Variants in STX1A observed in about 807,000 individuals in gnomAD.
STX1A encodes the protein syntaxin-1A.
STX1A carries 4 observed loss-of-function variants against 37.8 expected under a neutral mutation model. The observed-to-expected ratio is 0.11, with a 90% confidence interval of 0.05 to 0.24. The LOEUF (loss-of-function observed/expected upper bound fraction) is 0.24. Ranked by LOEUF, STX1A falls within the 10% of genes least tolerant of loss-of-function variation. The probability of loss-of-function intolerance (pLI) is 1.00; values close to 1 mark genes in which losing one functional copy is unlikely to be tolerated. For synonymous variants in STX1A, 135 were observed against 147.4 expected (o/e 0.92, Z 0.61); for missense variants, 251 against 399.9 (o/e 0.63, Z 3.18).
chr7:73,704,383 G>C lies in STX1A; in HGVS notation c.324C>G (p.Arg108=), dbSNP rs782560813. 9 of 1,614,058 alleles carry C rather than the reference G, an allele frequency of 5.6e-6. No individual in the cohort carries two copies. The African/African-American group carries it at 1.2e-4, about 22-fold the overall frequency. The change falls in exon 5 of 10, where the codon CGC becomes CGG. Residue 108 remains arginine (R), a synonymous_variant. Transcript: ENST00000222812. ...QSIEQEEGLN[R]SSADLRIRKT... ...TCCGGATCCTCAGGTCAGCGGAGGA[G>C]CGGTTCAGGCCTTCCTCTTGCTCGA...
chr7:73,707,179 T>C (rs1487713144), intron 3 of STX1A, among the ~76,000 whole-genome samples: 1 of 152,180 alleles, frequency 6.6e-6, no homozygotes, highest in African/African-American at 2.4e-5. Flanking sequence ...CTGGGGCTCA[T>C]GGTGAGCCCC....
chr7:73,703,099 C>T, intron 7 of STX1A, 117 bp from the exon 8 acceptor site: 1 of 879,110 alleles, frequency 1.1e-6, no homozygotes, highest in Non-Finnish European at 1.7e-6. Flanking sequence ...CTGAGGCTTC[C>T]TCCCAAGCCG....
intron 1 of STX1A, among the ~76,000 whole-genome samples, chr7:73,715,123 T>TAA (rs782623557): frequency 2.0e-4 from 25 of 124,784 alleles, no homozygotes; most frequent in South Asian, 5.1e-4. Flanking sequence ...AGACTCCGTC[T>TAA]AAAAAAAAAA....
chr7:73,713,450 C>T (rs531172194), intron 1 of STX1A, among the ~76,000 whole-genome samples: 2 of 152,286 alleles, frequency 1.3e-5, no homozygotes, highest in Non-Finnish European at 2.9e-5. Context: ...ATAAAGTGGC[C>T]AAGCATGATG....
At position 73,702,588 on chromosome 7, in the gene STX1A, G is replaced by T; in HGVS notation, c.678+257C>A. The stretch of plus-strand genomic sequence containing the variant: ...TGGCCCCATGAGGAAACAGTAGTAG[G>T]GGAATGAGAGACGGCGGGGTATAGA... On this transcript the variant is annotated intron_variant, in intron 8 of 9. Coordinates refer to ENST00000222812, the MANE Select transcript of STX1A (RefSeq NM_004603.4). This position sits in a 1 kb window ranked among gnomAD's most constrained non-coding sequence, Gnocchi z 4.7. 9.0e-7 allele frequency: 1 copy of T among 1,113,142 alleles called. No individual in the cohort carries two copies. Among genetic ancestry groups the T allele is most frequent in the Non-Finnish European group, 1.2e-6 (1 of 810,386 alleles). The allele number at this position is 1,113,142 out of a possible 1,614,324, so 69.0% of individuals were successfully genotyped here.
intron 1 of STX1A, among the ~76,000 whole-genome samples, chr7:73,713,655 T>C (rs1799183144): frequency 6.6e-6 from 1 of 152,170 alleles, no homozygotes; most frequent in African/African-American, 2.4e-5. Flanking sequence ...GCTTGAGCCC[T>C]GGAGGTCGAG....
At chr7:73,718,417 A>G (rs559392625) in intron 1 of STX1A, among the ~76,000 whole-genome samples, 1 of 152,220 alleles carries the variant, frequency 6.6e-6, no homozygotes, top group South Asian at 2.1e-4. Flanking sequence ...CTCTGGGTGG[A>G]GAAGACAAGC....
rs1347585605 is a variant in STX1A, at chr7:73,699,230, C to G, written c.*1177G>C. 6.6e-6 allele frequency: 1 copy of G among 152,582 alleles called. No homozygotes were observed. The highest frequency in any genetic ancestry group is 1.5e-5 in the Non-Finnish European group (1 of 68,040). 9.5% of individuals were successfully genotyped at this position (152,582 alleles called of 1,614,324 possible). ...CCTGGTACAGATACAAATGTTTATT[C>G]TACATAAAAATTTCACAAAATGGGC... On this transcript the variant is annotated 3_prime_UTR_variant, in exon 10 of 10. Transcript: ENST00000222812.
intron 6 of STX1A, 92 bp from the exon 7 acceptor site, chr7:73,703,920 T>TC (rs1189898994): frequency 2.9e-5 from 34 of 1,184,710 alleles, no homozygotes; most frequent in Admixed American, 3.1e-5. Flanking sequence ...AGGCCCGGGC[T>TC]CCCCCCAGCC....
At position 73,700,935 on chromosome 7, in the gene STX1A, G is replaced by T. The variant is rs1180416539; in HGVS notation, c.679-95C>A. On this transcript the variant is annotated intron_variant, in intron 8 of 9. Coordinates refer to ENST00000222812, the MANE Select transcript of STX1A (RefSeq NM_004603.4). The surrounding 1 kb of genome is among the most constrained non-coding windows in gnomAD (Gnocchi z 4.4). ...ACTTCAGGAAAGCACCCTGAGGCTA[G>T]AGACAAAAAGGGGGCGTGAGGAGGT... 2 of 1,568,092 alleles carry T rather than the reference G, an allele frequency of 1.3e-6. No homozygotes were observed. The highest frequency in any genetic ancestry group is 1.3e-5 in the African/African-American group (1 of 74,140).
intron 1 of STX1A, among the ~76,000 whole-genome samples, chr7:73,715,336 C>G (rs1198825378): frequency 9.2e-5 from 14 of 151,982 alleles, no homozygotes; most frequent in Admixed American, 9.2e-4. Flanking sequence ...GAAGGAGAAT[C>G]ACTTGAACCC....
At chr7:73,703,081 A>C in intron 7 of STX1A, 99 bp from the exon 8 acceptor site, 1 of 960,168 alleles carries the variant, frequency 1.0e-6, no homozygotes, top group Non-Finnish European at 1.5e-6. Context: ...GCTGCTCCGG[A>C]AGGGGGCCTG....
intron 1 of STX1A, among the ~76,000 whole-genome samples, chr7:73,711,082 G>C (rs538948303): frequency 6.6e-6 from 1 of 152,044 alleles, no homozygotes; most frequent in African/African-American, 2.4e-5. Context: ...TCAACCTCCC[G>C]GGCTCAAGCC....
Position 73,700,700 on chromosome 7 carries a change from C to T in STX1A, c.789+30G>A, listed in dbSNP as rs371910461. On this transcript the variant is annotated intron_variant, in intron 9 of 9. Coordinates refer to ENST00000222812, the MANE Select transcript of STX1A (RefSeq NM_004603.4). This position sits in a 1 kb window ranked among gnomAD's most constrained non-coding sequence, Gnocchi z 4.4. ...TGGGGGTCCCTAATGGGTGCTGGGG[C>T]ATGGCCTTGGGCAGGGCTGGGCTAC... 6.2e-7 allele frequency: 1 copy of T among 1,612,562 alleles called. No individual in the cohort carries two copies. The highest frequency in any genetic ancestry group is 8.5e-7 in the Non-Finnish European group (1 of 1,179,760).
intron 1 of STX1A, among the ~76,000 whole-genome samples, chr7:73,710,819 A>AG (rs1483643599): frequency 3.9e-5 from 6 of 152,234 alleles, no homozygotes; most frequent in African/African-American, 1.4e-4. Flanking sequence ...GGACGGAGGC[A>AG]GGTGGAGGTT....
chr7:73,712,065 T>C (rs537707334), intron 1 of STX1A, among the ~76,000 whole-genome samples: 14 of 151,926 alleles, frequency 9.2e-5, no homozygotes, highest in African/African-American at 3.4e-4. Flanking sequence ...GAAAGGGAGA[T>C]CAGGGCCAGG....
In STX1A at chr7:73,717,196, GAA is replaced by G. The variant is rs1554618807; in HGVS notation, c.30+2404_30+2405del. On this transcript the variant is annotated intron_variant, in intron 1 of 9. Coordinates refer to ENST00000222812, the MANE Select transcript of STX1A (RefSeq NM_004603.4). This position sits in a 1 kb window ranked among gnomAD's most constrained non-coding sequence, Gnocchi z 4.1. ...GTGTTGGGTGGGGGAGAAGGAGAAA[GAA>G]GAGGGAGGAGGAGGAGGAAGAGGGA... 7.4e-6 allele frequency among the ~76,000 whole-genome samples: 1 copy of G among 134,386 alleles called. No homozygotes were observed. Among genetic ancestry groups the G allele is most frequent in the East Asian group, 2.5e-4 (1 of 3,922 alleles). The allele number at this position is 134,386 out of a possible 152,430, so 88.2% of individuals were successfully genotyped here.
At position 73,705,440 on chromosome 7, in the gene STX1A, G is replaced by A. The variant is rs932078528; in HGVS notation, c.209-216C>T. The A allele has an allele frequency of 2.0e-5, 11 of 553,316 alleles. No homozygotes were observed. The highest frequency in any genetic ancestry group is 6.1e-5 in the East Asian group (2 of 32,604). 34.3% of individuals were successfully genotyped at this position (553,316 alleles called of 1,614,324 possible). A position where few individuals can be genotyped will look rare whatever the true frequency, so the allele number is the denominator to read the frequency against. On this transcript the variant is annotated intron_variant, in intron 3 of 9. Coordinates refer to ENST00000222812, the MANE Select transcript of STX1A (RefSeq NM_004603.4). This position sits in a 1 kb window ranked among gnomAD's most constrained non-coding sequence, Gnocchi z 5.2. ...CTTCACCCCCTCTTGTGCTGTCTTC[G>A]GAGGAGCCTCCCTTCCTCCTTTGCT...
In STX1A at chr7:73,702,823, G is replaced by A. The variant is rs1554616096; in HGVS notation, c.678+22C>T. The A allele has an allele frequency of 4.3e-6, 7 of 1,613,768 alleles. No individual in the cohort carries two copies. Among genetic ancestry groups the A allele is most frequent in the Non-Finnish European group, 5.9e-6 (7 of 1,179,940 alleles). ...GGTGCTGGTGTGGGCTGGAGTGGAGGGCAGGGGGGCCCGGCACTCACCTGG... is the reference window on the plus strand; with the variant it reads ...GGTGCTGGTGTGGGCTGGAGTGGAGAGCAGGGGGGCCCGGCACTCACCTGG... On this transcript the variant is annotated intron_variant, in intron 8 of 9. Transcript: ENST00000222812. The surrounding 1 kb of genome is among the most constrained non-coding windows in gnomAD (Gnocchi z 4.7).
Sources: allele counts gnomAD v4.1 joint callset (sites outside exome capture counted in the v4.1 genomes callset), GRCh38; gene constraint gnomAD v4.1.1; non-coding constraint Gnocchi (gnomAD v3.1); transcripts MANE v1.5; gene names NCBI Gene and HGNC (gene_info 2026-07-23, HGNC 2026-07-21).